GABRA2: variants seen among roughly 807,000 people sequenced by gnomAD.
GABRA2 encodes gamma-aminobutyric acid receptor subunit alpha-2.
GABRA2 carries 16 observed loss-of-function variants against 48.7 expected under a neutral mutation model. The ratio of observed to expected loss-of-function variants is 0.33; its 90% CI spans 0.22 to 0.50. The LOEUF is 0.50. Ranked by LOEUF, GABRA2 falls within the 20% of genes least tolerant of loss-of-function variation. The pLI, the probability that GABRA2 is intolerant of heterozygous loss-of-function variation, is 0.98. For missense variants in GABRA2, 275 were observed against 535.6 expected (o/e 0.51, Z 4.80); for synonymous variants, 185 against 184.5 (o/e 1.00, Z -0.02).
chr4:46,280,694 C>T (rs1404288469), intron 8 of GABRA2, among the ~76,000 whole-genome samples: 1 of 152,116 alleles, frequency 6.6e-6, no homozygotes, highest in African/African-American at 2.4e-5. Context: ...ACCTCCAAAT[C>T]CATATGTTAA....
intron 9 of GABRA2, among the ~76,000 whole-genome samples, chr4:46,251,201 A>G (rs1714683291): frequency 6.6e-6 from 1 of 151,470 alleles, no homozygotes; most frequent in African/African-American, 2.4e-5. Context: ...CTCTAGTTCC[A>G]TTATCACAAA....
chr4:46,321,929 T>C (rs1729521990), intron 4 of GABRA2, among the ~76,000 whole-genome samples: 1 of 151,980 alleles, frequency 6.6e-6, no homozygotes, highest in Non-Finnish European at 1.5e-5. Context: ...ACCTGTGTTT[T>C]TGGTGACTGC....
intron 4 of GABRA2, among the ~76,000 whole-genome samples, chr4:46,326,663 AT>A (rs1730435489): frequency 6.6e-6 from 1 of 151,800 alleles, no homozygotes; most frequent in African/African-American, 2.4e-5. Context: ...TGAAAGTAAG[AT>A]GGCTACTTTG....
intron 8 of GABRA2, among the ~76,000 whole-genome samples, chr4:46,285,206 T>C (rs1339243589): frequency 6.6e-6 from 1 of 152,082 alleles, no homozygotes; most frequent in African/African-American, 2.4e-5. Context: ...AATATTTATT[T>C]ACACAAAATA....
intron 4 of GABRA2, among the ~76,000 whole-genome samples, chr4:46,316,980 T>A (rs1331635781): frequency 6.6e-6 from 1 of 151,936 alleles, no homozygotes; most frequent in East Asian, 1.9e-4. Context: ...ATAGTTAAAT[T>A]GATGGATACT....
At chr4:46,277,889 C>T (rs1439779901) in intron 8 of GABRA2, among the ~76,000 whole-genome samples, 3 of 152,210 alleles carry the variant, frequency 2.0e-5, no homozygotes, top group East Asian at 1.9e-4. Flanking sequence ...ATTTCATTGC[C>T]TATTTTTAAT....
chr4:46,374,792 C>T (rs1244546151), intron 3 of GABRA2, among the ~76,000 whole-genome samples: 1 of 151,658 alleles, frequency 6.6e-6, no homozygotes, highest in Non-Finnish European at 1.5e-5. Context: ...ATTATTAATG[C>T]CCTAATTCAT....
At chr4:46,282,790 C>T (rs2109474046) in intron 8 of GABRA2, among the ~76,000 whole-genome samples, 1 of 152,270 alleles carries the variant, frequency 6.6e-6, no homozygotes, top group African/African-American at 2.4e-5. Flanking sequence ...ATAGCAAATA[C>T]TTGCATAGCG....
chr4:46,384,087 A>G (rs1717121320), intron 3 of GABRA2, among the ~76,000 whole-genome samples: 1 of 152,188 alleles, frequency 6.6e-6, no homozygotes, highest in African/African-American at 2.4e-5. Context: ...AGCCACAGAA[A>G]CAGAGGTGAT....
chr4:46,308,551 T>C (rs548701584), intron 6 of GABRA2, among the ~76,000 whole-genome samples: 84 of 152,336 alleles, frequency 5.5e-4, no homozygotes, highest in African/African-American at 1.9e-3. Context: ...ATCAAGCACC[T>C]ACTACAGGCA....
At chr4:46,267,096 T>C (rs1360641867) in intron 8 of GABRA2, among the ~76,000 whole-genome samples, 2 of 152,084 alleles carry the variant, frequency 1.3e-5, no homozygotes, top group African/African-American at 4.8e-5. Context: ...GTTGATATGC[T>C]TGATGATGTA....
chr4:46,348,224 G>A (rs986718258), intron 3 of GABRA2, among the ~76,000 whole-genome samples: 5 of 152,012 alleles, frequency 3.3e-5, no homozygotes, highest in African/African-American at 1.2e-4. Context: ...ACCACAATGA[G>A]ATACCATCTC....
intron 9 of GABRA2, chr4:46,260,866 T>A (rs949503804): frequency 6.6e-6 from 1 of 151,904 alleles, no homozygotes; most frequent in Non-Finnish European, 1.5e-5. Flanking sequence ...TTCTATGGCT[T>A]ACAAAATTAA....
chr4:46,353,979 G>T (rs977073877), intron 3 of GABRA2, among the ~76,000 whole-genome samples: 5 of 152,092 alleles, frequency 3.3e-5, no homozygotes, highest in African/African-American at 1.2e-4. Context: ...TAGAACAATT[G>T]CTGGCACATA....
intron 3 of GABRA2, among the ~76,000 whole-genome samples, chr4:46,337,695 T>A (rs982094300): frequency 2.7e-5 from 4 of 146,634 alleles, no homozygotes; most frequent in Non-Finnish European, 3.0e-5. Flanking sequence ...ATGGTAGAAG[T>A]CAAGGAAATA....
At chr4:46,374,674 C>T (rs906465964) in intron 3 of GABRA2, among the ~76,000 whole-genome samples, 6 of 152,042 alleles carry the variant, frequency 3.9e-5, no homozygotes, top group Non-Finnish European at 7.4e-5. Flanking sequence ...CTCCACCAAA[C>T]ATTTGAAAAT....
At chr4:46,277,541 C>G (rs1166067930) in intron 8 of GABRA2, among the ~76,000 whole-genome samples, 4 of 152,176 alleles carry the variant, frequency 2.6e-5, no homozygotes, top group Non-Finnish European at 4.4e-5. Flanking sequence ...TTAAAACCGT[C>G]TATATCTATC....
At chr4:46,251,393 A>C (rs1714724580) in intron 9 of GABRA2, among the ~76,000 whole-genome samples, 1 of 151,440 alleles carries the variant, frequency 6.6e-6, no homozygotes, top group African/African-American at 2.4e-5. Flanking sequence ...AATGAAAACA[A>C]CATTTTTTTT....
At chr4:46,272,081 T>A (rs1719442947) in intron 8 of GABRA2, among the ~76,000 whole-genome samples, 1 of 152,038 alleles carries the variant, frequency 6.6e-6, no homozygotes, top group African/African-American at 2.4e-5. Context: ...TTGCAAAGAT[T>A]CCTGCACCCT....
Sources: allele counts gnomAD v4.1 joint callset (sites outside exome capture counted in the v4.1 genomes callset), GRCh38; gene constraint gnomAD v4.1.1; transcripts MANE v1.5; gene names NCBI Gene and HGNC (gene_info 2026-07-23, HGNC 2026-07-21).